ADGRV1: variants seen among roughly 807,000 people sequenced by gnomAD.
ADGRV1 encodes G-protein coupled receptor 98.
In ADGRV1, 359 loss-of-function variants were observed where a neutral mutation model predicts 596.2. The observed-to-expected ratio is 0.60, with a 90% CI of 0.55 to 0.66. The LOEUF (loss-of-function observed/expected upper bound fraction) is 0.66. Ranked by LOEUF, ADGRV1 falls within the 30% of genes least tolerant of loss-of-function variation. The pLI, the probability that ADGRV1 is intolerant of heterozygous loss-of-function variation, is 0.00. For synonymous variants in ADGRV1, 2,681 were observed against 2,679.2 expected (o/e 1.00, Z -0.02); for missense variants, 7,274 against 7,575.6 (o/e 0.96, Z 1.48).
intron 85 of ADGRV1, among the ~76,000 whole-genome samples, chr5:91,015,599 TCCTTTAGGTGAATTAAAC>T (rs1267624542): frequency 6.6e-6 from 1 of 152,078 alleles, no homozygotes; most frequent in East Asian, 1.9e-4. Context: ...GATAGTTAGG[TCCTTTAGGTGAATTAAAC>T]CCTTTACCAA....
intron 83 of ADGRV1, among the ~76,000 whole-genome samples, chr5:90,924,489 T>TC (rs1296077892): frequency 2.6e-5 from 4 of 151,808 alleles, no homozygotes; most frequent in African/African-American, 9.7e-5. Context: ...TTTTTTTTTT[T>TC]CTTGTAAATT....
At chr5:90,925,162 G>A (rs1260984194) in intron 83 of ADGRV1, among the ~76,000 whole-genome samples, 15 of 152,164 alleles carry the variant, frequency 9.9e-5, no homozygotes, top group African/African-American at 2.7e-4. Context: ...TTCCAATTCT[G>A]TGAAGAAAGT....
chr5:91,132,830 G>A (rs1283670013), intron 87 of ADGRV1, among the ~76,000 whole-genome samples: 1 of 152,222 alleles, frequency 6.6e-6, no homozygotes, highest in Non-Finnish European at 1.5e-5. Flanking sequence ...CACTGAGGTG[G>A]AGACTGGAAA....
intron 50 of ADGRV1, among the ~76,000 whole-genome samples, chr5:90,732,519 G>A (rs1455886727): frequency 6.6e-6 from 1 of 151,978 alleles, no homozygotes; most frequent in African/African-American, 2.4e-5. Flanking sequence ...GTACATTATT[G>A]TTAACTATAG....
intron 83 of ADGRV1, among the ~76,000 whole-genome samples, chr5:90,938,249 T>C (rs1477340075): frequency 6.6e-6 from 1 of 152,184 alleles, no homozygotes; most frequent in Non-Finnish European, 1.5e-5. Flanking sequence ...GTTTTTAATG[T>C]CAATTAGGAC....
chr5:90,874,606 A>C (rs544983242), intron 83 of ADGRV1, among the ~76,000 whole-genome samples: 205 of 152,184 alleles, frequency 1.3e-3, no homozygotes, highest in South Asian at 3.5e-3. Context: ...TCACACCTGT[A>C]ATCCCAGCAC....
At chr5:90,690,751 G>A in intron 30 of ADGRV1, 46 bp from the exon 31 acceptor site, 1 of 1,557,732 alleles carries the variant, frequency 6.4e-7, no homozygotes, top group Non-Finnish European at 8.7e-7. Flanking sequence ...TGTTATCTCT[G>A]TTTCACTTTG....
Position 90,882,795 on chromosome 5 carries a change from A to T in ADGRV1, c.17856+18938A>T, listed in dbSNP as rs6865669. On this transcript the variant is annotated intron_variant, in intron 83 of 89. Coordinates refer to ENST00000405460, the MANE Select transcript of ADGRV1 (RefSeq NM_032119.4). ...ACATTTTTTAAAAAATAGTCAACTA[A>T]TAAGTTCATGTTTTATAAAAATATA... 8.9e-4 allele frequency among the ~76,000 whole-genome samples: 135 copies of T among 152,346 alleles called. 1 individual carries two copies. The highest frequency in any genetic ancestry group is 1.6e-3 in the Non-Finnish European group (110 of 68,022).
chr5:90,567,388 T>C (rs1755776163), intron 1 of ADGRV1, among the ~76,000 whole-genome samples: 1 of 152,160 alleles, frequency 6.6e-6, no homozygotes. Flanking sequence ...AGGGTTGATG[T>C]TAATTATTCC....
chr5:90,845,673 T>C (rs1378667160), intron 78 of ADGRV1, among the ~76,000 whole-genome samples: 2 of 152,170 alleles, frequency 1.3e-5, no homozygotes, highest in African/African-American at 4.8e-5. Context: ...CTTTTTCTAA[T>C]TTTCCCTAGT....
At position 90,640,397 on chromosome 5, in the gene ADGRV1, C is replaced by T. The variant is rs964560680; in HGVS notation, c.2241-2239C>T. Among the ~76,000 whole-genome samples the T allele has an allele frequency of 5.9e-5, 9 of 152,158 alleles. 1 individual carries two copies. Among genetic ancestry groups the T allele is most frequent in the African/African-American group, 1.9e-4 (8 of 41,432 alleles). On this transcript the variant is annotated intron_variant, in intron 11 of 89. Coordinates refer to ENST00000405460, the MANE Select transcript of ADGRV1 (RefSeq NM_032119.4). ...TTGTTTTTTCTAACTCAAAGAACAACTGGCTTTAGATCTGAGACTAAAGGT... is the reference window on the plus strand; with the variant it reads ...TTGTTTTTTCTAACTCAAAGAACAATTGGCTTTAGATCTGAGACTAAAGGT...
At chr5:90,819,072 G>A (rs576398193) in intron 75 of ADGRV1, among the ~76,000 whole-genome samples, 1,834 of 152,236 alleles carry the variant, frequency 0.012, 14 homozygotes, top group Middle Eastern at 0.055. Flanking sequence ...GTAAACTATT[G>A]ATTATTGCTA....
intron 60 of ADGRV1, among the ~76,000 whole-genome samples, chr5:90,775,417 T>A (rs1011284805): frequency 6.6e-6 from 1 of 152,184 alleles, no homozygotes; most frequent in African/African-American, 2.4e-5. Context: ...ATGACAGATG[T>A]CACATAGGCT....
intron 50 of ADGRV1, among the ~76,000 whole-genome samples, chr5:90,741,857 A>G (rs1463664461): frequency 6.6e-6 from 1 of 152,184 alleles, no homozygotes; most frequent in Non-Finnish European, 1.5e-5. Context: ...CTTATTTTGA[A>G]TGTGTCAAAT....
intron 85 of ADGRV1, among the ~76,000 whole-genome samples, chr5:91,054,071 T>TG (rs1786594068): frequency 2.3e-5 from 3 of 133,060 alleles, no homozygotes; most frequent in African/African-American, 2.9e-5. Context: ...CTGTGTGTGT[T>TG]TGTGTGTGTG....
chr5:90,604,941 C>T lies in ADGRV1; in HGVS notation c.23-9894C>T, dbSNP rs1322686014. Among the ~76,000 whole-genome samples, 3 of 152,252 alleles carry T rather than the reference C, an allele frequency of 2.0e-5. No homozygotes were observed. In the South Asian group the frequency reaches 6.2e-4, roughly 32 times the overall value. On this transcript the variant is annotated intron_variant, in intron 1 of 89. Transcript: ENST00000405460. ...TGAAACCCATAATCTTCTAGAGCTC[C>T]ACAGAGCTCTGGAATTAAAGCTTCT...
intron 84 of ADGRV1, among the ~76,000 whole-genome samples, chr5:90,981,220 A>G (rs6887203): frequency 0.5 from 76,048 of 151,942 alleles, 20,634 homozygotes; most frequent in African/African-American, 0.71. Flanking sequence ...GGGAAGACTC[A>G]AAGTGGGGAG....
chr5:91,002,878 A>G (rs1050558343), intron 85 of ADGRV1, among the ~76,000 whole-genome samples: 2 of 152,132 alleles, frequency 1.3e-5, no homozygotes, highest in African/African-American at 2.4e-5. Flanking sequence ...GTAAGTATTC[A>G]TTTACTACAG....
chr5:91,059,914 A>G (rs755619533), intron 85 of ADGRV1, among the ~76,000 whole-genome samples: 1 of 152,156 alleles, frequency 6.6e-6, no homozygotes, highest in Non-Finnish European at 1.5e-5. Flanking sequence ...TAGTAACATC[A>G]TAGACTAGCA....
Sources: gnomAD v4.1 joint callset for allele counts (sites outside exome capture counted in the v4.1 genomes callset) on GRCh38, gnomAD v4.1.1 for gene constraint, MANE v1.5 for transcripts, NCBI Gene and HGNC (gene_info 2026-07-23, HGNC 2026-07-21) for gene names.